Variants in TRANK1 observed in about 807,000 individuals in gnomAD.
TRANK1 encodes the protein tetratricopeptide repeat and ankyrin repeat containing 1, also known as TPR and ankyrin repeat-containing protein 1.
In TRANK1, 198 loss-of-function variants were observed where a neutral mutation model predicts 266.0. That is an observed-to-expected ratio of 0.74 (90% CI 0.66 to 0.84). The LOEUF (loss-of-function observed/expected upper bound fraction) is 0.84, where lower values mean the gene tolerates loss of function less well. Among genes scored for constraint, TRANK1 ranks in the 40% least tolerant of loss-of-function variants. TRANK1 has a pLI of 0.00. For missense variants in TRANK1, 3,326 were observed against 3,634.6 expected (o/e 0.92, Z 2.18); for synonymous variants, 1,396 against 1,384.1 (o/e 1.01, Z -0.19).
chr3:36,842,671 G>T lies in TRANK1; in HGVS notation c.5231C>A (p.Ala1744Glu). The change falls in exon 18 of 24, where the codon GCG (alanine) becomes GAG (glutamate). Residue 1744 changes from alanine to glutamate, a missense_variant. Physicochemically the swap from Ala to Glu is moderately radical, Grantham distance 107. Coordinates refer to ENST00000645898, the MANE Select transcript of TRANK1 (RefSeq NM_001329998.2). ...DSMFVKTSTP[A>E]EWIAQGDYYA... ...GTAATCTCCCTGTGCAATCCACTCC[G>T]CAGGAGTTGAGGTCTTAACGAACAT... The T allele has an allele frequency of 1.2e-6, 2 of 1,613,912 alleles. No homozygotes were observed. Among genetic ancestry groups the T allele is most frequent in the Non-Finnish European group, 1.7e-6 (2 of 1,179,854 alleles).
At position 36,864,338 on chromosome 3, in the gene TRANK1, A is replaced by G; in HGVS notation, c.1221T>C (p.Arg407=). The change falls in exon 10 of 24, where the codon CGT becomes CGC. Residue 407 remains arginine, a synonymous_variant. Coordinates refer to ENST00000645898, the MANE Select transcript of TRANK1 (RefSeq NM_001329998.2). ...LKQEVVQRFL[R]LLSTLQEIPP... ...AATTACCTTGCAGAGTAGAAAGGAG[A>G]CGCAAGAACCTCTGAACTACTTCCT... The G allele has an allele frequency of 6.5e-7, 1 of 1,530,990 alleles. No homozygotes were observed. The highest frequency in any genetic ancestry group is 2.4e-5 in the East Asian group (1 of 40,840). The allele number at this position is 1,530,990 out of a possible 1,614,324, so 94.8% of individuals were successfully genotyped here.
chr3:36,930,079 G>C (rs1229674397), intron 1 of TRANK1, among the ~76,000 whole-genome samples: 1 of 152,130 alleles, frequency 6.6e-6, no homozygotes, highest in Admixed American at 6.5e-5. Context: ...GTTTCACCAT[G>C]GTCAGGCTGG....
At chr3:36,942,303 G>A (rs148777359) in intron 1 of TRANK1, among the ~76,000 whole-genome samples, 14 of 151,976 alleles carry the variant, frequency 9.2e-5, no homozygotes, top group Non-Finnish European at 2.1e-4. Context: ...ACACTAACTC[G>A]TTGGTAATGA....
At position 36,838,393 on chromosome 3, in the gene TRANK1, C is replaced by T; in HGVS notation, c.5496G>A (p.Gln1832=). ...SYAKEFQLSA[Q]LCERLGKIRD... is the part of the protein sequence containing the mutation. ...ATACCTTTCCCAGCCTCTCGCACAG[C>T]TGGGCAGAGAGCTGGAACTCCTTGG... The change falls in exon 20 of 24, where the codon CAG becomes CAA. Residue 1832 remains glutamine (Q), a synonymous_variant. Transcript: ENST00000645898. 1 of 1,614,034 alleles carries T rather than the reference C, an allele frequency of 6.2e-7. No homozygotes were observed. The highest frequency in any genetic ancestry group is 1.3e-5 in the African/African-American group (1 of 75,056).
chr3:36,939,136 CATAA>C (rs59866169), intron 1 of TRANK1, among the ~76,000 whole-genome samples: 1 of 151,066 alleles, frequency 6.6e-6, no homozygotes, highest in Non-Finnish European at 1.5e-5. Context: ...AACCCTGTCT[CATAA>C]ATAAATAAAT....
intron 2 of TRANK1, among the ~76,000 whole-genome samples, chr3:36,904,435 G>A (rs190570920): frequency 1.9e-3 from 286 of 151,672 alleles, no homozygotes; most frequent in African/African-American, 6.7e-3. Flanking sequence ...CAGGAGAATC[G>A]TTTGAACCCA....
chr3:36,869,880 C>T (rs1349410940), intron 9 of TRANK1, among the ~76,000 whole-genome samples: 1 of 152,242 alleles, frequency 6.6e-6, no homozygotes, highest in East Asian at 1.9e-4. Context: ...AGGTGTAGGA[C>T]ATTTCCATCA....
At chr3:36,925,198 G>A (rs748514795) in intron 1 of TRANK1, among the ~76,000 whole-genome samples, 18 of 152,034 alleles carry the variant, frequency 1.2e-4, no homozygotes, top group Non-Finnish European at 2.4e-4. Context: ...TTGAAAAGAT[G>A]GTTTCCAACA....
At position 36,838,759 on chromosome 3, in the gene TRANK1, G is replaced by T. The variant is rs1575183728; in HGVS notation, c.5281-43C>A. On this transcript the variant is annotated intron_variant, in intron 18 of 23. Coordinates refer to ENST00000645898, the MANE Select transcript of TRANK1 (RefSeq NM_001329998.2). ...TTTTATTCCCAGCAAGGTAATGGAG[G>T]TAACAGACAGAACAACGGTTAAAGC... The T allele has an allele frequency of 1.9e-6, 3 of 1,569,640 alleles. No individual in the cohort carries two copies. The East Asian group carries it at 6.8e-5, about 36-fold the overall frequency.
chr3:36,886,129 GTTTTT>G (rs10563870), intron 8 of TRANK1, among the ~76,000 whole-genome samples: 4,853 of 100,974 alleles, frequency 0.048, 271 homozygotes, highest in African/African-American at 0.16. Flanking sequence ...TGTTGTTGTT[GTTTTT>G]TTTTTTTTTT....
intron 8 of TRANK1, among the ~76,000 whole-genome samples, chr3:36,887,503 T>G (rs1414247382): frequency 1.3e-5 from 2 of 152,224 alleles, no homozygotes; most frequent in African/African-American, 4.8e-5. Flanking sequence ...TGACATCACA[T>G]TGGTACCATG....
intron 9 of TRANK1, among the ~76,000 whole-genome samples, chr3:36,867,948 C>G (rs2079250643): frequency 6.6e-6 from 1 of 152,206 alleles, no homozygotes; most frequent in African/African-American, 2.4e-5. Flanking sequence ...AGGTTTCCTC[C>G]CACACCCCAA....
In TRANK1 at chr3:36,833,253, G is replaced by A. The variant is rs1211632628; in HGVS notation, c.6330C>T (p.Val2110=). ...RVTNNAEKEM[V]KSCFEFFGIS... ...TCCCAAAAAACTCAAAGCAAGATTT[G>A]ACCATTTCCTTCTCAGCATTGTTGG... is the stretch of plus-strand genomic sequence containing the variant. Residue 2110 remains valine (V), a synonymous_variant, in exon 22 of 24, where the codon GTC becomes GTT. Transcript: ENST00000645898. 1 of 1,613,836 alleles carries A rather than the reference G, an allele frequency of 6.2e-7. No individual in the cohort carries two copies. Among genetic ancestry groups the A allele is most frequent in the East Asian group, 2.2e-5 (1 of 44,898 alleles).
intron 2 of TRANK1, among the ~76,000 whole-genome samples, chr3:36,903,706 C>T (rs765430431): frequency 2.0e-5 from 3 of 152,230 alleles, no homozygotes; most frequent in Non-Finnish European, 4.4e-5. Context: ...TGGGTGAGTA[C>T]GGCCCTGGCC....
Position 36,861,081 on chromosome 3 carries a change from T to A in TRANK1, c.1320A>T (p.Arg440Ser). ...TCAGCAGCAGAAGCACCTCAGGCCA[T>A]CTCTGTTTTTCCAATAAGAATTTGA... Reference protein sequence around the residue: ...TVFKFLLEKQRWPEVLLLLTR... With the variant: ...TVFKFLLEKQSWPEVLLLLTR... Residue 440 changes from arginine to serine, a missense_variant, in exon 11 of 24, where the codon AGA becomes AGT. Arg to Ser is a moderately radical substitution (Grantham distance 110, BLOSUM62 -1). Coordinates refer to ENST00000645898, the MANE Select transcript of TRANK1 (RefSeq NM_001329998.2). The A allele has an allele frequency of 1.3e-6, 2 of 1,537,656 alleles. No homozygotes were observed. The highest frequency in any genetic ancestry group is 4.9e-5 in the East Asian group (2 of 40,916).
At chr3:36,940,499 C>G (rs1030384950) in intron 1 of TRANK1, among the ~76,000 whole-genome samples, 1 of 141,312 alleles carries the variant, frequency 7.1e-6, no homozygotes, top group Non-Finnish European at 1.5e-5. Context: ...GAATCTGTTT[C>G]AAAAAAAAAA....
At chr3:36,879,891 TGC>T (rs1316424043) in intron 8 of TRANK1, among the ~76,000 whole-genome samples, 1,337 of 87,628 alleles carry the variant, frequency 0.015, 196 homozygotes, top group African/African-American at 0.018. Flanking sequence ...TATGTAAACA[TGC>T]AAATATATGT....
intron 3 of TRANK1, among the ~76,000 whole-genome samples, chr3:36,900,377 A>T (rs551484216): frequency 4.9e-4 from 75 of 152,334 alleles, no homozygotes; most frequent in African/African-American, 1.7e-3. Flanking sequence ...ACTGAGTTCT[A>T]CATTATAAGC....
At chr3:36,928,300 A>G (rs141734179) in intron 1 of TRANK1, among the ~76,000 whole-genome samples, 5 of 152,262 alleles carry the variant, frequency 3.3e-5, no homozygotes, top group African/African-American at 9.6e-5. Flanking sequence ...GGGAATGGGG[A>G]AAAAGTCTTT....
Sources: allele counts gnomAD v4.1 joint callset (sites outside exome capture counted in the v4.1 genomes callset), GRCh38; gene constraint gnomAD v4.1.1; transcripts MANE v1.5; gene names NCBI Gene and HGNC (gene_info 2026-07-23, HGNC 2026-07-21).